The following LRRC4C variants were observed in gnomAD, a reference collection of about 807,000 sequenced individuals.
LRRC4C encodes leucine rich repeat containing 4C, also known as leucine-rich repeat-containing protein 4C.
A neutral mutation model predicts 33.6 loss-of-function variants in LRRC4C; 5 were observed. The ratio of observed to expected loss-of-function variants is 0.15; its 90% CI spans 0.08 to 0.31. The LOEUF (loss-of-function observed/expected upper bound fraction) is 0.31. Among genes scored for constraint, LRRC4C ranks in the 10% least tolerant of loss-of-function variants. The probability of loss-of-function intolerance (pLI) is 1.00; values close to 1 mark genes in which losing one functional copy is unlikely to be tolerated. For missense variants in LRRC4C, 560 were observed against 796.7 expected, an observed-to-expected ratio of 0.70 and a Z score of 3.58; for synonymous variants, 329 against 302.0, an observed-to-expected ratio of 1.09 and a Z score of -0.93.
At chr11:40,360,739 A>T (rs1240729001) in intron 3 of LRRC4C, among the ~76,000 whole-genome samples, 2 of 152,136 alleles carry the variant, frequency 1.3e-5, no homozygotes, top group Non-Finnish European at 2.9e-5. Flanking sequence ...CTCCTCCCTA[A>T]CTCATTCTAT....
At chr11:40,301,856 A>G (rs1236960258) in intron 4 of LRRC4C, among the ~76,000 whole-genome samples, 1 of 152,216 alleles carries the variant, frequency 6.6e-6, no homozygotes, top group African/African-American at 2.4e-5. Flanking sequence ...TCTAATATAC[A>G]CACTTTTAAG....
chr11:40,760,025 C>G (rs1949130944), intron 2 of LRRC4C, among the ~76,000 whole-genome samples: 1 of 150,118 alleles, frequency 6.7e-6, no homozygotes, highest in Non-Finnish European at 1.5e-5. Context: ...ATTCATCTGA[C>G]AAGTGACTCT....
At chr11:41,194,485 A>T (rs1263580543) in intron 1 of LRRC4C, among the ~76,000 whole-genome samples, 2 of 152,156 alleles carry the variant, frequency 1.3e-5, no homozygotes, top group East Asian at 3.9e-4. Flanking sequence ...GATGTACATC[A>T]TTACATTACC....
chr11:40,589,829 G>T (rs935287946), intron 3 of LRRC4C, among the ~76,000 whole-genome samples: 1 of 149,180 alleles, frequency 6.7e-6, no homozygotes, highest in African/African-American at 2.5e-5. Context: ...GGCTTGTAGG[G>T]TTTCTGCCGA....
At chr11:40,493,494 A>G (rs142290876) in intron 3 of LRRC4C, among the ~76,000 whole-genome samples, 27 of 152,278 alleles carry the variant, frequency 1.8e-4, no homozygotes, top group African/African-American at 6.5e-4. Flanking sequence ...ACATGATTAC[A>G]GCGATCACAG....
intron 1 of LRRC4C, among the ~76,000 whole-genome samples, chr11:41,106,802 G>A (rs533466254): frequency 6.6e-6 from 1 of 151,946 alleles, no homozygotes; most frequent in Non-Finnish European, 1.5e-5. Flanking sequence ...GATCACTTGA[G>A]CCCAGGAGAT....
chr11:41,052,466 A>T (rs1175830981), intron 1 of LRRC4C, among the ~76,000 whole-genome samples: 1 of 151,386 alleles, frequency 6.6e-6, no homozygotes, highest in African/African-American at 2.4e-5. Context: ...TCTTCCTGGC[A>T]TCTGGTATGT....
intron 1 of LRRC4C, among the ~76,000 whole-genome samples, chr11:41,190,663 C>G (rs1458133763): frequency 6.6e-6 from 1 of 152,060 alleles, no homozygotes; most frequent in Non-Finnish European, 1.5e-5. Context: ...CATTTGTGTT[C>G]GTCTACACTT....
intron 3 of LRRC4C, among the ~76,000 whole-genome samples, chr11:40,547,286 T>C (rs758651025): frequency 6.6e-6 from 1 of 152,094 alleles, no homozygotes; most frequent in Non-Finnish European, 1.5e-5. Flanking sequence ...AAAACTTTTT[T>C]TTCATTTCTT....
At chr11:41,224,523 T>G (rs1947444054) in intron 1 of LRRC4C, among the ~76,000 whole-genome samples, 1 of 152,196 alleles carries the variant, frequency 6.6e-6, no homozygotes, top group African/African-American at 2.4e-5. Context: ...AAGGTGATAT[T>G]TGAATTCCTA....
chr11:40,255,884 C>T (rs1243667373), intron 4 of LRRC4C, among the ~76,000 whole-genome samples: 1 of 152,170 alleles, frequency 6.6e-6, no homozygotes, highest in African/African-American at 2.4e-5. Flanking sequence ...CAAAAATATC[C>T]TGCAGAAAAC....
At chr11:40,674,627 G>A (rs1166229626) in intron 2 of LRRC4C, among the ~76,000 whole-genome samples, 1 of 151,946 alleles carries the variant, frequency 6.6e-6, no homozygotes, top group Non-Finnish European at 1.5e-5. Flanking sequence ...TATAATACTG[G>A]TTTATAAATC....
chr11:41,384,665 T>C (rs1192131401), intron 1 of LRRC4C, among the ~76,000 whole-genome samples: 1 of 151,268 alleles, frequency 6.6e-6, no homozygotes, highest in Non-Finnish European at 1.5e-5. Flanking sequence ...ACCTACTAAG[T>C]GCTCATGTAT....
intron 1 of LRRC4C, among the ~76,000 whole-genome samples, chr11:41,458,298 G>A (rs1278350152): frequency 1.3e-5 from 2 of 152,104 alleles, no homozygotes; most frequent in Non-Finnish European, 2.9e-5. Context: ...CCATCCACAT[G>A]CACTGGCAGA....
intron 1 of LRRC4C, among the ~76,000 whole-genome samples, chr11:41,082,068 G>T (rs1039756526): frequency 6.6e-6 from 1 of 152,112 alleles, no homozygotes; most frequent in Non-Finnish European, 1.5e-5. Flanking sequence ...ATGGTCGCTT[G>T]TCTCATCCCC....
At chr11:40,562,926 C>T (rs930775144) in intron 3 of LRRC4C, among the ~76,000 whole-genome samples, 8 of 151,880 alleles carry the variant, frequency 5.3e-5, no homozygotes, top group African/African-American at 1.7e-4. Context: ...TCGATCATCA[C>T]TCCTTTCCTT....
At chr11:40,750,119 G>A (rs1345563389) in intron 2 of LRRC4C, among the ~76,000 whole-genome samples, 1 of 152,070 alleles carries the variant, frequency 6.6e-6, no homozygotes, top group African/African-American at 2.4e-5. Context: ...CTATTTGGGA[G>A]GCTGAGGCAG....
intron 5 of LRRC4C, among the ~76,000 whole-genome samples, chr11:40,238,956 C>G (rs949784388): frequency 2.0e-5 from 3 of 152,108 alleles, no homozygotes; most frequent in African/African-American, 7.2e-5. Context: ...GTAACAGTCC[C>G]ATACAAGACC....
intron 2 of LRRC4C, among the ~76,000 whole-genome samples, chr11:40,670,864 C>T (rs898740402): frequency 6.6e-6 from 1 of 152,134 alleles, no homozygotes; most frequent in Non-Finnish European, 1.5e-5. Context: ...CCCGGGTTCA[C>T]GCCATTCTCC....
Sources: gnomAD v4.1 joint callset for allele counts (sites outside exome capture counted in the v4.1 genomes callset) on GRCh38, gnomAD v4.1.1 for gene constraint, MANE v1.5 for transcripts, NCBI Gene and HGNC (gene_info 2026-07-23, HGNC 2026-07-21) for gene names.